The following PREX1 variants were observed in gnomAD, a reference collection of about 807,000 sequenced individuals.
PREX1 encodes phosphatidylinositol 3,4,5-trisphosphate-dependent Rac exchanger 1 protein.
A neutral mutation model predicts 198.3 loss-of-function variants in PREX1; 41 were observed. The ratio of observed to expected loss-of-function variants is 0.21; its 90% CI spans 0.16 to 0.27. The LOEUF is 0.27. PREX1 is among the 10% of genes least tolerant of loss of function. PREX1 has a pLI of 1.00. For missense variants in PREX1, 1,620 were observed against 2,200.7 expected, an observed-to-expected ratio of 0.74 and a Z score of 5.28; for synonymous variants, 843 against 887.2, an observed-to-expected ratio of 0.95 and a Z score of 0.89.
the PREX1 span, among the ~76,000 whole-genome samples, chr20:48,840,677 A>T: frequency 6.6e-6 from 1 of 152,206 alleles, no homozygotes; most frequent in Non-Finnish European, 1.5e-5. Context: ...TCATTGCTAG[A>T]TCAACCCCAC....
At chr20:48,788,401 C>T (rs1284187883) in intron 1 of PREX1, among the ~76,000 whole-genome samples, 1 of 152,154 alleles carries the variant, frequency 6.6e-6, no homozygotes, top group East Asian at 1.9e-4. Flanking sequence ...TTCAAAGAAG[C>T]TCTGGCCCTG....
At chr20:48,738,650 T>C (rs543074620) in intron 3 of PREX1, among the ~76,000 whole-genome samples, 1 of 152,100 alleles carries the variant, frequency 6.6e-6, no homozygotes, top group African/African-American at 2.4e-5. Flanking sequence ...TACACAGATG[T>C]GGTGGGTACG....
chr20:48,640,018 C>A, intron 29 of PREX1, 124 bp from the exon 30 acceptor site: 1 of 1,320,772 alleles, frequency 7.6e-7, no homozygotes, highest in Non-Finnish European at 1.0e-6. Flanking sequence ...AGGGAGCTGG[C>A]AGGACTCCTG....
intron 3 of PREX1, among the ~76,000 whole-genome samples, chr20:48,739,500 C>T (rs1029576624): frequency 3.3e-5 from 5 of 152,288 alleles, no homozygotes; most frequent in Admixed American, 2.0e-4. Flanking sequence ...CCTGACCTCC[C>T]GATTGAAAGC....
At chr20:48,752,602 T>A (rs565649058) in intron 1 of PREX1, among the ~76,000 whole-genome samples, 1 of 152,284 alleles carries the variant, frequency 6.6e-6, no homozygotes, top group East Asian at 1.9e-4. Context: ...ATGAGGAAAC[T>A]GAGGCACTCG....
the PREX1 span, among the ~76,000 whole-genome samples, chr20:48,868,729 A>T: frequency 6.6e-6 from 1 of 152,248 alleles, no homozygotes; most frequent in African/African-American, 2.4e-5. Flanking sequence ...TATTGTGGAT[A>T]AAGTGTCTTT....
In PREX1 at chr20:48,708,361, G is replaced by T; in HGVS notation, c.682C>A (p.Gln228Lys). 1 of 1,614,180 alleles carries T rather than the reference G, an allele frequency of 6.2e-7. No homozygotes were observed. Among genetic ancestry groups the T allele is most frequent in the Non-Finnish European group, 8.5e-7 (1 of 1,180,040 alleles). ...PDHPAVQSALQAMKTVCSNIN... is the reference protein window; with the variant it reads ...PDHPAVQSALKAMKTVCSNIN... ...TTGGAGCAAACGGTCTTCATGGCCT[G>T]CAGGGCACTCTGGACCGCGGGGTGG... The change falls in exon 6 of 40, where the codon CAG (glutamine) becomes AAG (lysine). Residue 228 changes from glutamine to lysine, a missense_variant. Gln to Lys is a moderately conservative substitution (Grantham distance 53). This residue lies in a region of PREX1 where 488 missense variants were observed against 802.5 expected (regional missense o/e 0.61). Transcript: ENST00000371941.
rs1426699871 is a variant in PREX1, at chr20:48,653,422, T to C, written c.2285A>G (p.Asp762Gly). 3.7e-6 allele frequency: 6 copies of C among 1,613,972 alleles called. No homozygotes were observed. Among genetic ancestry groups the C allele is most frequent in the South Asian group, 1.1e-5 (1 of 91,090 alleles). The change falls in exon 20 of 40, where the codon GAT becomes GGT. Residue 762 changes from aspartate (D) to glycine (G), a missense_variant. Physicochemically the swap from Asp to Gly is moderately conservative, Grantham distance 94 (BLOSUM62 -1). Transcript: ENST00000371941. ...LKVNGSNVMN[D>G]GAPEVLEHFQ... Reference sequence around the variant, plus strand: ...GTGCTCCAGGACCTCAGGGGCACCATCGTTCATCACGTTGCTGCCATTGAC... The same window carrying C: ...GTGCTCCAGGACCTCAGGGGCACCACCGTTCATCACGTTGCTGCCATTGAC...
At chr20:48,793,583 G>C (rs1004249825) in intron 1 of PREX1, among the ~76,000 whole-genome samples, 1 of 152,232 alleles carries the variant, frequency 6.6e-6, no homozygotes, top group African/African-American at 2.4e-5. Context: ...GACAAAGTTA[G>C]GGGGAGAGGG....
chr20:48,863,586 C>CTTTTT, the PREX1 span, among the ~76,000 whole-genome samples: 5 of 104,352 alleles, frequency 4.8e-5, no homozygotes, highest in African/African-American at 7.5e-5. Context: ...TTCATATTGT[C>CTTTTT]TTTTTTTTTT....
chr20:48,802,946 C>T (rs545864558), intron 1 of PREX1, among the ~76,000 whole-genome samples: 275 of 152,300 alleles, frequency 1.8e-3, no homozygotes, highest in Non-Finnish European at 3.3e-3. Context: ...TGAGAAGACG[C>T]CTTAGACCCC....
intron 1 of PREX1, among the ~76,000 whole-genome samples, chr20:48,801,027 CCTTTGGAG>C (rs1423883149): frequency 6.6e-6 from 1 of 152,124 alleles, no homozygotes; most frequent in African/African-American, 2.4e-5. Context: ...AGCTGGGTAA[CCTTTGGAG>C]AGTTCCTGCC....
chr20:48,742,996 G>C (rs1227094270), intron 3 of PREX1, among the ~76,000 whole-genome samples: 1 of 152,140 alleles, frequency 6.6e-6, no homozygotes, highest in Non-Finnish European at 1.5e-5. Flanking sequence ...CTCGGATCAT[G>C]ACATCACAGC....
chr20:48,817,477 G>A (rs1276380944), intron 1 of PREX1, among the ~76,000 whole-genome samples: 2 of 152,188 alleles, frequency 1.3e-5, no homozygotes, highest in East Asian at 3.8e-4. Context: ...GGCCTGCTCA[G>A]GTGCCAGGCA....
chr20:48,727,707 T>C (rs1472448230), intron 4 of PREX1, among the ~76,000 whole-genome samples: 2 of 152,090 alleles, frequency 1.3e-5, no homozygotes, highest in African/African-American at 4.8e-5. Context: ...GAGTCTGGGA[T>C]TGAAACCATG....
At chr20:48,765,655 GGCCCCAGGGGCTTCAGA>G (rs1416959373) in intron 1 of PREX1, among the ~76,000 whole-genome samples, 1 of 152,202 alleles carries the variant, frequency 6.6e-6, no homozygotes, top group East Asian at 1.9e-4. Context: ...CCTAAGTGCA[GGCCCCAGGGGCTTCAGA>G]GCCAAGTCTC....
At chr20:48,772,682 A>G (rs1302148184) in intron 1 of PREX1, among the ~76,000 whole-genome samples, 1 of 152,200 alleles carries the variant, frequency 6.6e-6, no homozygotes, top group African/African-American at 2.4e-5. Flanking sequence ...CTGAGGGCTG[A>G]GGAAGGAGGA....
chr20:48,689,876 A>T (rs768117027), intron 9 of PREX1, among the ~76,000 whole-genome samples: 6 of 152,228 alleles, frequency 3.9e-5, no homozygotes, highest in Non-Finnish European at 4.4e-5. Flanking sequence ...CTGAGAGAGG[A>T]TGGTGGCTTG....
chr20:48,681,128 C>T (rs552811644), intron 11 of PREX1, 107 bp downstream of exon 11: 10 of 958,604 alleles, frequency 1.0e-5, no homozygotes, highest in East Asian at 4.8e-5. Flanking sequence ...GAAAACACGG[C>T]GGCTGCACGA....
Sources: allele counts gnomAD v4.1 joint callset (sites outside exome capture counted in the v4.1 genomes callset), GRCh38; gene constraint gnomAD v4.1.1; regional missense constraint gnomAD v4.1.1; transcripts MANE v1.5; gene names NCBI Gene and HGNC (gene_info 2026-07-23, HGNC 2026-07-21).